OSBPL9: variants seen among roughly 807,000 people sequenced by gnomAD.
OSBPL9 encodes the protein oxysterol-binding protein-related protein 9.
In OSBPL9, 40 loss-of-function variants were observed where a neutral mutation model predicts 106.6. The ratio of observed to expected loss-of-function variants is 0.38; its 90% CI spans 0.29 to 0.49. The LOEUF is 0.49. Ranked by LOEUF, OSBPL9 falls within the 20% of genes least tolerant of loss-of-function variation. The pLI is 0.97. For synonymous variants in OSBPL9, 269 were observed against 295.4 expected, an observed-to-expected ratio of 0.91 and a Z score of 0.92; for missense variants, 609 against 887.2, an observed-to-expected ratio of 0.69 and a Z score of 3.98.
At chr1:51,546,476 T>C in the OSBPL9 span, among the ~76,000 whole-genome samples, 1 of 151,790 alleles carries the variant, frequency 6.6e-6, no homozygotes, top group Non-Finnish European at 1.5e-5. Flanking sequence ...GGCGGGTGGA[T>C]CACGAGGTCA....
chr1:51,560,971 G>C, the OSBPL9 span: 3 of 152,214 alleles, frequency 2.0e-5, no homozygotes, highest in African/African-American at 7.2e-5. Context: ...GCACTCAGCC[G>C]GGCACGGTGG....
intron 4 of OSBPL9, among the ~76,000 whole-genome samples, chr1:51,732,446 A>C (rs1360288358): frequency 6.6e-6 from 1 of 152,234 alleles, no homozygotes; most frequent in Non-Finnish European, 1.5e-5. Context: ...GTTTAAACAA[A>C]GATTGTTAAG....
chr1:51,519,432 G>A, the OSBPL9 span: 1 of 187,214 alleles, frequency 5.3e-6, no homozygotes, highest in East Asian at 1.1e-4. Flanking sequence ...CGGCCGCGGC[G>A]CCGCCCAAAC....
At chr1:51,754,375 G>A (rs77200422) in intron 8 of OSBPL9, among the ~76,000 whole-genome samples, 1,815 of 152,218 alleles carry the variant, frequency 0.012, 37 homozygotes, top group African/African-American at 0.042. Context: ...TAAATCATGC[G>A]GTAAAACAGT....
chr1:51,539,837 T>A, the OSBPL9 span, among the ~76,000 whole-genome samples: 83 of 152,314 alleles, frequency 5.4e-4, 1 homozygote, highest in African/African-American at 1.9e-3. Flanking sequence ...CATCAAATAT[T>A]TGATGGCTTC....
intron 1 of OSBPL9, among the ~76,000 whole-genome samples, chr1:51,637,025 T>C (rs1570700052): frequency 6.6e-6 from 1 of 152,306 alleles, no homozygotes; most frequent in East Asian, 1.9e-4. Flanking sequence ...CCAGCCTTTG[T>C]GGTTGAGAAA....
intron 12 of OSBPL9, among the ~76,000 whole-genome samples, chr1:51,769,089 G>C (rs1208495245): frequency 6.6e-6 from 1 of 152,152 alleles, no homozygotes; most frequent in African/African-American, 2.4e-5. Flanking sequence ...TGACTCCCCA[G>C]TTCCATATAT....
the OSBPL9 span, among the ~76,000 whole-genome samples, chr1:51,550,869 G>A: frequency 6.6e-6 from 1 of 152,040 alleles, no homozygotes; most frequent in African/African-American, 2.4e-5. Flanking sequence ...TTGAAAGTGA[G>A]GATTAAGTTT....
chr1:51,627,315 A>T (rs1644825486), intron 1 of OSBPL9, among the ~76,000 whole-genome samples: 2 of 151,918 alleles, frequency 1.3e-5, no homozygotes, highest in Non-Finnish European at 2.9e-5. Context: ...TTTTTTTTTA[A>T]TATGGAATGA....
chr1:51,714,059 C>T lies in OSBPL9; in HGVS notation c.298C>T (p.Arg100Ter), dbSNP rs1333666909. ...CCATGCCTTAGAAGAAACAATTCTT[C>T]GACATACTCTCCAGCTTCAAGTAAG... is the stretch of plus-strand genomic sequence containing the variant. Reference protein sequence around the residue: ...WIHALEETILRHTLQLQGLDS... With the variant: ...WIHALEETIL Residue 100 changes from arginine (R) to a stop codon, truncating the protein, a stop_gained, in exon 4 of 24, where the codon CGA (arginine) becomes TGA (stop). Transcript: ENST00000428468. LOFTEE classifies it high-confidence loss of function. 5 of 1,608,852 alleles carry T rather than the reference C, an allele frequency of 3.1e-6. No homozygotes were observed. In the Admixed American group the frequency reaches 5.0e-5, roughly 16 times the overall value.
At chr1:51,747,553 CTTTTTT>C (rs746109312) in intron 6 of OSBPL9, among the ~76,000 whole-genome samples, 4 of 42,384 alleles carry the variant, frequency 9.4e-5, no homozygotes, top group South Asian at 9.9e-4. Context: ...CTCTCCTTGG[CTTTTTT>C]TTTTTTTTTT....
At chr1:51,772,366 T>C (rs1674110612) in intron 13 of OSBPL9, among the ~76,000 whole-genome samples, 184 bp downstream of exon 13, 1 of 152,006 alleles carries the variant, frequency 6.6e-6, no homozygotes, top group African/African-American at 2.4e-5. Flanking sequence ...ATACAAAAAA[T>C]TAGCTGGGCA....
intron 4 of OSBPL9, among the ~76,000 whole-genome samples, chr1:51,717,719 G>A (rs1316022664): frequency 6.6e-6 from 1 of 151,316 alleles, no homozygotes; most frequent in East Asian, 1.9e-4. Context: ...CAAAGTACTG[G>A]TGAGGATGTG....
intron 20 of OSBPL9, chr1:51,784,951 G>T: frequency 4.4e-6 from 1 of 225,234 alleles, no homozygotes; most frequent in Non-Finnish European, 8.7e-6. Flanking sequence ...CTGCCTCCTG[G>T]TCCTCACAGC....
chr1:51,718,309 A>T (rs1661448396), intron 4 of OSBPL9, among the ~76,000 whole-genome samples: 1 of 152,220 alleles, frequency 6.6e-6, no homozygotes, highest in African/African-American at 2.4e-5. Flanking sequence ...GGGTGACTAT[A>T]GTCAACAGTA....
At chr1:51,522,400 A>C in the OSBPL9 span, among the ~76,000 whole-genome samples, 1 of 152,186 alleles carries the variant, frequency 6.6e-6, no homozygotes, top group Non-Finnish European at 1.5e-5. Flanking sequence ...TTCTGGTTTA[A>C]ATTAATGACA....
rs1291542245 is a variant in OSBPL9 at position 51,788,753 on chromosome 1, C to A, written c.*964C>A. Among the ~76,000 whole-genome samples, 1 of 151,510 alleles carries A rather than the reference C, an allele frequency of 6.6e-6. No homozygotes were observed. Among genetic ancestry groups the A allele is most frequent in the Non-Finnish European group, 1.5e-5 (1 of 67,994 alleles). On this transcript the variant is annotated 3_prime_UTR_variant, in exon 24 of 24. Coordinates refer to ENST00000428468, the MANE Select transcript of OSBPL9 (RefSeq NM_024586.6). ...AGTGTGTATTTATAGATCCCCACCCCACAGTGAACAAAAATAGATAGATAG... is the reference window on the plus strand; with the variant it reads ...AGTGTGTATTTATAGATCCCCACCCAACAGTGAACAAAAATAGATAGATAG...
intron 14 of OSBPL9, among the ~76,000 whole-genome samples, chr1:51,775,908 G>A (rs189847996): frequency 1.3e-5 from 2 of 152,264 alleles, no homozygotes; most frequent in East Asian, 3.9e-4. Context: ...AGTATGCCCA[G>A]CCTCCACCAC....
At chr1:51,542,460 T>C in the OSBPL9 span, among the ~76,000 whole-genome samples, 1 of 152,202 alleles carries the variant, frequency 6.6e-6, no homozygotes, top group South Asian at 2.1e-4. Flanking sequence ...TCAAGGGATT[T>C]TTAAGGGCAA....
Sources: gnomAD v4.1 joint callset for allele counts (sites outside exome capture counted in the v4.1 genomes callset) on GRCh38, gnomAD v4.1.1 for gene constraint, MANE v1.5 for transcripts, NCBI Gene and HGNC (gene_info 2026-07-23, HGNC 2026-07-21) for gene names.